Variants in PBX3 observed in about 807,000 individuals in gnomAD.
PBX3 encodes PBX homeobox 3, also known as pre-B-cell leukemia transcription factor 3.
Under a neutral mutation model 48.5 loss-of-function variants are expected in PBX3, and 14 were observed. The observed-to-expected ratio is 0.29, with a 90% CI of 0.19 to 0.45. The LOEUF is 0.45. PBX3 is among the 20% of genes least tolerant of loss of function. The probability of loss-of-function intolerance (pLI) is 1.00; values close to 1 mark genes in which losing one functional copy is unlikely to be tolerated. For missense variants in PBX3, 386 were observed against 546.7 expected, an observed-to-expected ratio of 0.71 and a Z score of 2.93; for synonymous variants, 210 against 200.3, an observed-to-expected ratio of 1.05 and a Z score of -0.41.
In PBX3 at chr9:125,961,082, A is replaced by G. The variant is rs116870441; in HGVS notation, c.1009+233A>G. 2.5e-4 allele frequency among the ~76,000 whole-genome samples: 38 copies of G among 152,366 alleles called. No homozygotes were observed. The East Asian group carries it at 7.3e-3, about 29-fold the overall frequency. The stretch of plus-strand genomic sequence containing the variant: ...ACTAGTAGATTATGGAAGTTTTACA[A>G]TTAGTAGTGGCTTTCAGTTCAGTAA... On this transcript the variant is annotated intron_variant, in intron 6 of 8. Coordinates refer to ENST00000373489, the MANE Select transcript of PBX3 (RefSeq NM_006195.6).
intron 2 of PBX3, among the ~76,000 whole-genome samples, chr9:125,755,457 T>C (rs1017395962): frequency 2.6e-5 from 4 of 152,124 alleles, no homozygotes; most frequent in Non-Finnish European, 4.4e-5. Flanking sequence ...AGTTTTGCAA[T>C]GCAAAGTGGT....
chr9:125,781,237 A>G (rs2132035452), intron 2 of PBX3, among the ~76,000 whole-genome samples: 1 of 151,368 alleles, frequency 6.6e-6, no homozygotes, highest in Admixed American at 6.6e-5. Context: ...ACCATTGAGC[A>G]CTGAGTGAAC....
chr9:125,810,168 A>G (rs1838245291), intron 2 of PBX3, among the ~76,000 whole-genome samples: 1 of 152,156 alleles, frequency 6.6e-6, no homozygotes, highest in Non-Finnish European at 1.5e-5. Flanking sequence ...TGTTCTACTA[A>G]GTCACCCCTC....
At chr9:125,955,111 C>T (rs1564190083) in intron 5 of PBX3, among the ~76,000 whole-genome samples, 1 of 151,972 alleles carries the variant, frequency 6.6e-6, no homozygotes, top group Non-Finnish European at 1.5e-5. Flanking sequence ...GACCAATGAC[C>T]CTGGACAGGC....
At chr9:125,826,074 G>T (rs10986958) in intron 2 of PBX3, among the ~76,000 whole-genome samples, 1 of 152,204 alleles carries the variant, frequency 6.6e-6, no homozygotes. Context: ...AGTTCCAGAA[G>T]TTAGGATAGA....
intron 2 of PBX3, among the ~76,000 whole-genome samples, chr9:125,770,934 G>A (rs1212035349): frequency 1.3e-5 from 2 of 152,104 alleles, no homozygotes; most frequent in African/African-American, 4.8e-5. Context: ...ATATCTTCAG[G>A]CGCTGCTGTC....
rs761096737 is a variant in PBX3 at position 125,819,119 on chromosome 9, G to A, written c.274+70496G>A. 9.2e-5 allele frequency among the ~76,000 whole-genome samples: 14 copies of A among 151,790 alleles called. No individual in the cohort carries two copies. In the South Asian group the frequency reaches 1.3e-3, roughly 14 times the overall value. On this transcript the variant is annotated intron_variant, in intron 2 of 8. Transcript: ENST00000373489. ...CCAAAGTGCTGGGATTACAGGTATG[G>A]GCCACTGTGCCTGGCCTGATAATTA...
intron 2 of PBX3, among the ~76,000 whole-genome samples, chr9:125,830,540 T>C (rs904211578): frequency 6.6e-6 from 1 of 152,140 alleles, no homozygotes; most frequent in Non-Finnish European, 1.5e-5. Context: ...ATAAGAGTTT[T>C]GAACCCCCCA....
intron 2 of PBX3, among the ~76,000 whole-genome samples, chr9:125,869,099 A>G (rs932413613): frequency 1.3e-5 from 2 of 152,222 alleles, no homozygotes; most frequent in Non-Finnish European, 2.9e-5. Flanking sequence ...AAAATTCAAG[A>G]TTGAAAGTAT....
At chr9:125,868,793 A>T (rs1435329186) in intron 2 of PBX3, among the ~76,000 whole-genome samples, 2 of 152,226 alleles carry the variant, frequency 1.3e-5, no homozygotes. Context: ...AAGAAGGTTC[A>T]TGATGAAAAT....
intron 7 of PBX3, 33 bp downstream of exon 7, chr9:125,962,247 C>A (rs761053012): frequency 3.9e-6 from 5 of 1,274,522 alleles, no homozygotes; most frequent in Non-Finnish European, 5.7e-6. Flanking sequence ...GCCTTTCTAG[C>A]AGGGTAGGGT....
At chr9:125,912,842 A>G (rs1446538911) in intron 2 of PBX3, among the ~76,000 whole-genome samples, 3 of 152,236 alleles carry the variant, frequency 2.0e-5, no homozygotes, top group East Asian at 3.9e-4. Flanking sequence ...GGCCCTTGCA[A>G]ATTTAGACCC....
At chr9:125,938,644 A>G (rs929234189) in intron 5 of PBX3, among the ~76,000 whole-genome samples, 2 of 152,208 alleles carry the variant, frequency 1.3e-5, no homozygotes, top group Non-Finnish European at 2.9e-5. Flanking sequence ...GGAATGTTCT[A>G]TTGAAGACAA....
At chr9:125,960,939 GA>G in intron 6 of PBX3, 90 bp downstream of exon 6, 1 of 507,954 alleles carries the variant, frequency 2.0e-6, no homozygotes, top group South Asian at 2.8e-5. Context: ...GAGCCATACT[GA>G]GGACAGAGTG....
chr9:125,966,126 A>T lies in PBX3; in HGVS notation c.*203A>T. 1 of 426,954 alleles carries T rather than the reference A, an allele frequency of 2.3e-6. No homozygotes were observed. Among genetic ancestry groups the T allele is most frequent in the South Asian group, 4.6e-5 (1 of 21,522 alleles). The allele number at this position is 426,954 out of a possible 1,614,324, so 26.4% of individuals were successfully genotyped here. On this transcript the variant is annotated 3_prime_UTR_variant, in exon 9 of 9. Transcript: ENST00000373489. Reference sequence around the variant, plus strand: ...AAAAACACACAATGTTAAAAAAAATAAAGCACTTTATCCAATTAGGCCAAG... The same window carrying T: ...AAAAACACACAATGTTAAAAAAAATTAAGCACTTTATCCAATTAGGCCAAG...
At chr9:125,899,908 A>G (rs1396599772) in intron 2 of PBX3, among the ~76,000 whole-genome samples, 1 of 151,790 alleles carries the variant, frequency 6.6e-6, no homozygotes, top group East Asian at 1.9e-4. Flanking sequence ...AATAAAGAAA[A>G]GAGCCCCCCA....
Position 125,928,200 on chromosome 9 carries a change from A to T in PBX3, c.517-1455A>T, listed in dbSNP as rs553036240. Among the ~76,000 whole-genome samples, 121 of 152,060 alleles carry T rather than the reference A, an allele frequency of 8.0e-4. 2 individuals are homozygous for T. The highest frequency in any genetic ancestry group is 2.2e-3 in the African/African-American group (92 of 41,434). On this transcript the variant is annotated intron_variant, in intron 3 of 8. Coordinates refer to ENST00000373489, the MANE Select transcript of PBX3 (RefSeq NM_006195.6). ...AGCAAGACTCTGTCTCTACAAAAAA[A>T]AATAATAATAATAAAAAATACATAA... is the stretch of plus-strand genomic sequence containing the variant.
intron 2 of PBX3, among the ~76,000 whole-genome samples, chr9:125,770,210 A>G (rs1392632942): frequency 6.6e-6 from 1 of 152,188 alleles, no homozygotes; most frequent in East Asian, 1.9e-4. Context: ...ATTTGAGTTC[A>G]GAAATAACAG....
At chr9:125,825,834 A>T (rs1838792926) in intron 2 of PBX3, among the ~76,000 whole-genome samples, 1 of 152,156 alleles carries the variant, frequency 6.6e-6, no homozygotes, top group Non-Finnish European at 1.5e-5. Context: ...TTTACTCTCA[A>T]TTTTGGCATT....
Sources: gnomAD v4.1 joint callset for allele counts (sites outside exome capture counted in the v4.1 genomes callset) on GRCh38, gnomAD v4.1.1 for gene constraint, MANE v1.5 for transcripts, NCBI Gene and HGNC (gene_info 2026-07-23, HGNC 2026-07-21) for gene names.